The following BCAR3 variants were observed in gnomAD, a reference collection of about 807,000 sequenced individuals.
The protein encoded by BCAR3 is BCAR3 adaptor protein, NSP family member.
In BCAR3, 37 loss-of-function variants were observed where a neutral mutation model predicts 80.1. The ratio of observed to expected loss-of-function variants is 0.46; its 90% confidence interval spans 0.36 to 0.61. BCAR3 has a LOEUF of 0.61. Ranked by LOEUF, BCAR3 falls within the 20% of genes least tolerant of loss-of-function variation. BCAR3 has a pLI of 0.00. For missense variants in BCAR3, 978 were observed against 1,068.2 expected (o/e 0.92, Z 1.18); for synonymous variants, 389 against 418.9 (o/e 0.93, Z 0.87).
chr1:93,582,169 T>C, intron 7 of BCAR3, 132 bp downstream of exon 7: 1 of 1,198,116 alleles, frequency 8.3e-7, no homozygotes, highest in Non-Finnish European at 1.1e-6. Flanking sequence ...GCAAAGCATT[T>C]AATGGGTGAG....
chr1:93,693,372 C>G (rs937561403), intron 3 of BCAR3, among the ~76,000 whole-genome samples: 5 of 152,182 alleles, frequency 3.3e-5, no homozygotes, highest in Non-Finnish European at 7.4e-5. Context: ...GAAGAAAGAA[C>G]CCCTTGAGTG....
intron 2 of BCAR3, among the ~76,000 whole-genome samples, chr1:93,664,599 C>A (rs1174884851): frequency 1.3e-5 from 2 of 152,156 alleles, no homozygotes; most frequent in East Asian, 3.8e-4. Flanking sequence ...ATATAGGAAT[C>A]CAAGACTAAT....
chr1:93,586,908 G>C lies in BCAR3; in HGVS notation c.929+2069C>G, dbSNP rs150259816. Among the ~76,000 whole-genome samples the C allele has an allele frequency of 4.5e-4, 68 of 152,286 alleles. No homozygotes were observed. The highest frequency in any genetic ancestry group is 1.6e-3 in the African/African-American group (68 of 41,566). On this transcript the variant is annotated intron_variant, in intron 5 of 11. Transcript: ENST00000260502. The surrounding 1 kb of genome is among the most constrained non-coding windows in gnomAD (Gnocchi z 4.2). Reference sequence around the variant, plus strand: ...TCCTGCCTTAGCCTCCCTAGTAGCTGGGACTACAGGCGTGCACCACCACAC... The same window carrying C: ...TCCTGCCTTAGCCTCCCTAGTAGCTCGGACTACAGGCGTGCACCACCACAC...
chr1:93,643,729 A>G (rs530434726), intron 2 of BCAR3, among the ~76,000 whole-genome samples: 1 of 152,266 alleles, frequency 6.6e-6, no homozygotes, highest in Non-Finnish European at 1.5e-5. Flanking sequence ...CATGAGGACT[A>G]TAGGTAATAC....
rs376115388 is a variant in BCAR3 at position 93,747,499 on chromosome 1, T to C, written c.-62-41357A>G. On this transcript the variant is annotated intron_variant, in intron 2 of 13. Coordinates refer to the BCAR3 transcript ENST00000370244. ...GTTGCTGGTGTCTGTCTTCACCCAA[T>C]GAGATTAAACGAACCTTGAACATAT... Among the ~76,000 whole-genome samples the C allele has an allele frequency of 4.0e-5, 6 of 151,808 alleles. No individual in the cohort carries two copies. In the South Asian group the frequency reaches 8.3e-4, roughly 21 times the overall value.
intron 3 of BCAR3, among the ~76,000 whole-genome samples, chr1:93,703,852 A>G (rs925344642): frequency 1.3e-5 from 2 of 152,230 alleles, no homozygotes; most frequent in Admixed American, 6.5e-5. Context: ...CAGACAAATG[A>G]ATCAGCAAGA....
At chr1:93,660,450 G>C (rs1190740702) in intron 2 of BCAR3, among the ~76,000 whole-genome samples, 1 of 152,202 alleles carries the variant, frequency 6.6e-6, no homozygotes, top group Non-Finnish European at 1.5e-5. Context: ...CAAGAGAACA[G>C]ACAGAGTTTA....
intron 2 of BCAR3, among the ~76,000 whole-genome samples, chr1:93,777,846 C>A (rs1353528939): frequency 6.6e-6 from 1 of 152,170 alleles, no homozygotes; most frequent in Non-Finnish European, 1.5e-5. Context: ...GCTTTGCTTT[C>A]CTGTTTTCAG....
intron 3 of BCAR3, among the ~76,000 whole-genome samples, chr1:93,606,790 GA>G (rs1674783776): frequency 6.6e-6 from 1 of 152,204 alleles, no homozygotes; most frequent in African/African-American, 2.4e-5. Context: ...ACTAGAAAGA[GA>G]AACCCAAGAA....
Position 93,628,017 on chromosome 1 carries a change from TA to T in BCAR3, c.357+14286del, listed in dbSNP as rs1477830351. The stretch of plus-strand genomic sequence containing the variant: ...TGAGAAAAATGTAAGAAACGACAAA[TA>T]AAAAAAACTTTCGGTTGCCAAGAAG... On this transcript the variant is annotated intron_variant, in intron 3 of 11. Transcript: ENST00000260502. 3.9e-5 allele frequency among the ~76,000 whole-genome samples: 6 copies of T among 151,924 alleles called. 1 individual carries two copies. The highest frequency in any genetic ancestry group is 2.0e-4 in the Admixed American group (3 of 15,248).
intron 3 of BCAR3, among the ~76,000 whole-genome samples, chr1:93,607,940 C>G (rs1297366380): frequency 6.6e-6 from 1 of 152,198 alleles, no homozygotes; most frequent in Non-Finnish European, 1.5e-5. Context: ...TCTGTCTTCC[C>G]CCTCCTAGTA....
chr1:93,757,509 T>A (rs1170704880), intron 2 of BCAR3, among the ~76,000 whole-genome samples: 1 of 152,242 alleles, frequency 6.6e-6, no homozygotes, highest in African/African-American at 2.4e-5. Flanking sequence ...GCAATATGTG[T>A]TGGGTTAACT....
At chr1:93,771,835 C>G (rs930568717) in intron 2 of BCAR3, among the ~76,000 whole-genome samples, 2 of 152,170 alleles carry the variant, frequency 1.3e-5, no homozygotes, top group African/African-American at 4.8e-5. Flanking sequence ...CACAATACAC[C>G]CTTCCTCTAC....
intron 3 of BCAR3, among the ~76,000 whole-genome samples, chr1:93,602,789 A>G (rs1674664779): frequency 6.6e-6 from 1 of 152,242 alleles, no homozygotes; most frequent in Non-Finnish European, 1.5e-5. Context: ...ACCCTGCCCG[A>G]AGCTGAAAAT....
At chr1:93,788,414 T>C (rs936221983) in intron 2 of BCAR3, among the ~76,000 whole-genome samples, 28 of 152,230 alleles carry the variant, frequency 1.8e-4, no homozygotes, top group African/African-American at 6.0e-4. Context: ...CTGTGAGATT[T>C]ATGCTTTAAG....
chr1:93,724,125 C>T (rs747244881), intron 2 of BCAR3, among the ~76,000 whole-genome samples: 2 of 152,192 alleles, frequency 1.3e-5, no homozygotes, highest in Non-Finnish European at 2.9e-5. Flanking sequence ...GAGCTGCAGC[C>T]TGTGCTTGGG....
At chr1:93,737,126 C>T (rs1334445856) in intron 2 of BCAR3, among the ~76,000 whole-genome samples, 1 of 152,108 alleles carries the variant, frequency 6.6e-6, no homozygotes, top group Admixed American at 6.5e-5. Flanking sequence ...GTCAGATTTG[C>T]TTTTCAGAAA....
At chr1:93,802,230 A>G (rs1653504110) in intron 2 of BCAR3, among the ~76,000 whole-genome samples, 2 of 152,098 alleles carry the variant, frequency 1.3e-5, no homozygotes, top group African/African-American at 4.8e-5. Context: ...AGATCATTTG[A>G]ACCCAGGAGT....
intron 7 of BCAR3, among the ~76,000 whole-genome samples, chr1:93,578,503 T>C (rs936537307): frequency 2.0e-5 from 3 of 151,932 alleles, no homozygotes; most frequent in Non-Finnish European, 4.4e-5. Context: ...TTTTGACAAC[T>C]AAGTGTCTGT....
Sources: gnomAD v4.1 joint callset for allele counts (sites outside exome capture counted in the v4.1 genomes callset) on GRCh38, gnomAD v4.1.1 for gene constraint, Gnocchi (gnomAD v3.1) non-coding constraint, MANE v1.5 for transcripts, NCBI Gene and HGNC (gene_info 2026-07-23, HGNC 2026-07-21) for gene names.